NUMA1: variants seen among roughly 807,000 people sequenced by gnomAD.
NUMA1 encodes the protein SP-H antigen.
Under a neutral mutation model 237.1 loss-of-function variants are expected in NUMA1, and 62 were observed. The ratio of observed to expected loss-of-function variants is 0.26; its 90% confidence interval spans 0.21 to 0.32. NUMA1 has a LOEUF of 0.32. NUMA1 is among the 10% of genes least tolerant of loss of function. The pLI, the probability that NUMA1 is intolerant of heterozygous loss-of-function variation, is 1.00. For synonymous variants in NUMA1, 1,028 were observed against 1,066.1 expected, an observed-to-expected ratio of 0.96 and a Z score of 0.70; for missense variants, 2,533 against 2,666.5, an observed-to-expected ratio of 0.95 and a Z score of 1.10.
chr11:72,015,441 T>C lies in NUMA1; in HGVS notation c.2062A>G (p.Thr688Ala). The C allele has an allele frequency of 6.2e-7, 1 of 1,611,976 alleles. No homozygotes were observed. The highest frequency in any genetic ancestry group is 1.1e-5 in the South Asian group (1 of 91,084). Residue 688 changes from threonine to alanine, a missense_variant, in exon 15 of 27, where the codon ACT becomes GCT. This residue lies in a region of NUMA1 where 1,414 missense variants were observed against 1,508.1 expected (regional missense o/e 0.94). Transcript: ENST00000393695. The surrounding 1 kb of genome is among the most constrained non-coding windows in gnomAD (Gnocchi z 4.0). ...LQLRSEQQKA[T>A]EKERVAQEKD... ...TCCTGGGCCACCCTTTCTTTCTCAG[T>C]TGCTTTTTGCTGCTCAGACCGCAGC...
chr11:72,053,990 A>G (rs996863847), intron 2 of NUMA1, among the ~76,000 whole-genome samples: 1 of 152,204 alleles, frequency 6.6e-6, no homozygotes, highest in African/African-American at 2.4e-5. Flanking sequence ...ATACCATTTT[A>G]TATAGAGACT....
intron 2 of NUMA1, among the ~76,000 whole-genome samples, chr11:72,055,560 T>C (rs760692833): frequency 1.3e-5 from 2 of 152,174 alleles, no homozygotes; most frequent in Non-Finnish European, 2.9e-5. Context: ...AAGGGGCTAA[T>C]GGTATGCTGG....
chr11:72,078,887 CAG>C (rs1405629822), intron 1 of NUMA1, among the ~76,000 whole-genome samples: 2 of 152,192 alleles, frequency 1.3e-5, no homozygotes, highest in African/African-American at 4.8e-5. Flanking sequence ...CTCCACAAAG[CAG>C]AGAGGCCCAA....
intron 2 of NUMA1, among the ~76,000 whole-genome samples, chr11:72,063,934 A>AAG (rs1943084248): frequency 1.3e-5 from 2 of 151,528 alleles, no homozygotes; most frequent in Admixed American, 1.3e-4. Flanking sequence ...AAAAAAAAAA[A>AAG]AAAAGAAACA....
At chr11:72,077,391 T>A (rs114339114) in intron 1 of NUMA1, among the ~76,000 whole-genome samples, 1,746 of 152,148 alleles carry the variant, frequency 0.011, 34 homozygotes, top group African/African-American at 0.04. Context: ...TTACCCACAA[T>A]AAAATAAGTT....
intron 2 of NUMA1, among the ~76,000 whole-genome samples, chr11:72,042,348 G>A (rs985926075): frequency 6.6e-6 from 1 of 152,176 alleles, no homozygotes; most frequent in Non-Finnish European, 1.5e-5. Context: ...CCCAGCATCC[G>A]CACTGAGGTA....
chr11:72,031,469 T>C (rs1940300123), intron 3 of NUMA1, among the ~76,000 whole-genome samples: 1 of 152,148 alleles, frequency 6.6e-6, no homozygotes, highest in Non-Finnish European at 1.5e-5. Context: ...GACATGATAG[T>C]ATTTATTTGA....
Position 72,015,800 on chromosome 11 carries a change from T to C in NUMA1, c.1703A>G (p.Lys568Arg), listed in dbSNP as rs1386318755. 6.2e-7 allele frequency: 1 copy of C among 1,614,220 alleles called. No homozygotes were observed. Among genetic ancestry groups the C allele is most frequent in the South Asian group, 1.1e-5 (1 of 91,084 alleles). ...TGCCTCCTGCTTCTCCGCTACCTCC[T>C]TCAACTGCTGCTCCTTCTGCTTCAG... Reference protein sequence around the residue: ...SSLKQKEQQLKEVAEKQEATR... With the variant: ...SSLKQKEQQLREVAEKQEATR... Residue 568 changes from lysine to arginine, a missense_variant, in exon 15 of 27, where the codon AAG becomes AGG. Transcript: ENST00000393695. This position sits in a 1 kb window ranked among gnomAD's most constrained non-coding sequence, Gnocchi z 4.0.
rs187191586 is a variant in NUMA1 at position 72,035,556 on chromosome 11, C to T, written c.42+346G>A. Reference sequence around the variant, plus strand: ...CCGAGTGACTGGGATTACAGGTGCCCGCCACCACAGCCAGCTAATTTTTGT... The same window carrying T: ...CCGAGTGACTGGGATTACAGGTGCCTGCCACCACAGCCAGCTAATTTTTGT... On this transcript the variant is annotated intron_variant, in intron 3 of 26. Coordinates refer to ENST00000393695, the MANE Select transcript of NUMA1 (RefSeq NM_006185.4). 3.7e-3 allele frequency among the ~76,000 whole-genome samples: 569 copies of T among 151,802 alleles called. 4 individuals carry two copies. The highest frequency in any genetic ancestry group is 0.013 in the African/African-American group (550 of 41,358).
At chr11:72,068,602 C>G (rs1039082266) in intron 2 of NUMA1, 5 of 152,006 alleles carry the variant, frequency 3.3e-5, no homozygotes, top group Non-Finnish European at 5.9e-5. Flanking sequence ...GTCTGGGTGA[C>G]AGAGAGAGAC....
At chr11:72,007,162 C>T in intron 21 of NUMA1, 27 bp downstream of exon 21, 1 of 1,601,676 alleles carries the variant, frequency 6.2e-7, no homozygotes, top group Non-Finnish European at 8.5e-7. Context: ...AATTGCTGCC[C>T]TGCAGCCCCT....
At chr11:72,036,067 AACACTTAAAT>A in intron 2 of NUMA1, 92 bp from the exon 3 acceptor site, 1 of 945,330 alleles carries the variant, frequency 1.1e-6, no homozygotes, top group Admixed American at 1.9e-5. Flanking sequence ...GCCAATTCTC[AACACTTAAAT>A]CACTCTTCAC....
intron 7 of NUMA1, 39 bp downstream of exon 7, chr11:72,022,300 G>T: frequency 7.1e-7 from 1 of 1,406,954 alleles, no homozygotes; most frequent in Non-Finnish European, 1.0e-6. Flanking sequence ...TGAAGCATGG[G>T]CTAGGCCTGC....
At position 72,013,732 on chromosome 11, in the gene NUMA1, G is replaced by A. The variant is rs535246765; in HGVS notation, c.3771C>T (p.Ala1257=). The A allele has an allele frequency of 6.8e-5, 109 of 1,609,758 alleles. No homozygotes were observed. Among genetic ancestry groups the A allele is most frequent in the Admixed American group, 8.3e-5 (5 of 60,026 alleles). ...CCAGCTTCTGGCTCTTCTCTGACTC[G>A]GCCATCACCAGCCGCTTCAACTCCT... is the stretch of plus-strand genomic sequence containing the variant. ...ESKELKRLVM[A]ESEKSQKLEE... Residue 1257 remains alanine (A), a synonymous_variant, in exon 15 of 27, where the codon GCC becomes GCT. Transcript: ENST00000393695. The surrounding 1 kb of genome is among the most constrained non-coding windows in gnomAD (Gnocchi z 6.8).
chr11:72,009,136 T>G lies in NUMA1; in HGVS notation c.4889A>C (p.Glu1630Ala). ...HYDAKKQQNQ[E>A]LQEQLRSLEQ... ...CAGGCTCCGCAGCTGCTCCTGCAGC[T>G]CTTGGTTCTGCTGCTTCTTGGCATC... Residue 1630 changes from glutamate to alanine, a missense_variant, in exon 19 of 27, where the codon GAG (glutamate) becomes GCG (alanine). Physicochemically the swap from Glu to Ala is moderately radical, Grantham distance 107 (BLOSUM62 -1). This residue lies in a region of NUMA1 where 795 missense variants were observed against 750.8 expected (regional missense o/e 1.06). Transcript: ENST00000393695. 3 of 1,611,726 alleles carry G rather than the reference T, an allele frequency of 1.9e-6. No homozygotes were observed. The highest frequency in any genetic ancestry group is 2.5e-6 in the Non-Finnish European group (3 of 1,179,686).
intron 20 of NUMA1, chr11:72,008,208 ACTAG>A: frequency 4.4e-6 from 2 of 456,620 alleles, no homozygotes; most frequent in Non-Finnish European, 8.7e-6. Context: ...TAACTTCTAT[ACTAG>A]CTATTAGAAT....
At chr11:72,021,762 C>T (rs1304982184) in intron 7 of NUMA1, among the ~76,000 whole-genome samples, 2 of 152,162 alleles carry the variant, frequency 1.3e-5, no homozygotes, top group African/African-American at 4.8e-5. Context: ...CACTGCCACA[C>T]CCAGCTCATT....
intron 17 of NUMA1, among the ~76,000 whole-genome samples, chr11:72,010,214 A>T (rs1346763653): frequency 2.0e-5 from 3 of 152,228 alleles, no homozygotes; most frequent in Non-Finnish European, 4.4e-5. Flanking sequence ...TCCCAATGCC[A>T]CTGGTGCCCA....
intron 1 of NUMA1, among the ~76,000 whole-genome samples, chr11:72,071,853 T>C (rs1943465079): frequency 6.6e-6 from 1 of 152,202 alleles, no homozygotes; most frequent in African/African-American, 2.4e-5. Flanking sequence ...GCAAAATATC[T>C]ATAGGTTTGA....
Sources: allele counts gnomAD v4.1 joint callset (sites outside exome capture counted in the v4.1 genomes callset), GRCh38; gene constraint gnomAD v4.1.1; regional missense constraint gnomAD v4.1.1; non-coding constraint Gnocchi (gnomAD v3.1); transcripts MANE v1.5; gene names NCBI Gene and HGNC (gene_info 2026-07-23, HGNC 2026-07-21).